FMO3: variants seen among roughly 807,000 people sequenced by gnomAD.
FMO3 encodes the protein flavin containing dimethylaniline monoxygenase 3, also known as flavin-containing monooxygenase 3.
A neutral mutation model predicts 39.4 loss-of-function variants in FMO3; 40 were observed. That is an observed-to-expected ratio of 1.02 (90% CI 0.79 to 1.32). FMO3 has a LOEUF of 1.32. Among genes scored for constraint, FMO3 ranks in the 40% most tolerant of loss-of-function variants. The pLI, the probability that FMO3 is intolerant of heterozygous loss-of-function variation, is 0.00. For missense variants in FMO3, 680 were observed against 651.8 expected (o/e 1.04, Z -0.47); for synonymous variants, 219 against 228.8 (o/e 0.96, Z 0.39).
In FMO3 at chr1:171,096,233, ATAT is replaced by A. The variant is rs1241083525; in HGVS notation, c.132+3448_132+3450del. Among the ~76,000 whole-genome samples, 3 of 49,146 alleles carry A rather than the reference ATAT, an allele frequency of 6.1e-5. 1 individual carries two copies. The highest frequency in any genetic ancestry group is 5.9e-4 in the East Asian group (1 of 1,702). The allele number at this position is 49,146 out of a possible 152,430, so 32.2% of individuals were successfully genotyped here. A position where few individuals can be genotyped will look rare whatever the true frequency, so the allele number is the denominator to read the frequency against. On this transcript the variant is annotated intron_variant, in intron 2 of 8. Transcript: ENST00000367755. ...ATATTTATATATAAATACATAAAAT[ATAT>A]TATTTCATACATATTATATAATTTT...
At chr1:171,095,494 T>C (rs1040439408) in intron 2 of FMO3, among the ~76,000 whole-genome samples, 39 of 151,854 alleles carry the variant, frequency 2.6e-4, no homozygotes, top group Non-Finnish European at 5.0e-4. Flanking sequence ...TTAATATATA[T>C]GCAAATTTAG....
In FMO3 at chr1:171,114,345, C is replaced by A; in HGVS notation, c.1166C>A (p.Ala389Glu). The change falls in exon 7 of 9, where the codon GCA (alanine) becomes GAA (glutamate). Residue 389 changes from alanine (A) to glutamate (E), a missense_variant. By Grantham distance (107) the Ala-to-Glu change is moderately radical. Coordinates refer to ENST00000367755, the MANE Select transcript of FMO3 (RefSeq NM_001002294.3). ...IPTVDLQSRW[A>E]AQVIKGTCTL... is the part of the protein sequence containing the mutation. ...ACAGTTGACCTCCAGTCCCGCTGGG[C>A]AGCACAAGTAATAAAGGGTAAGTCA... The A allele has an allele frequency of 2.5e-6, 4 of 1,612,740 alleles. No homozygotes were observed. Among genetic ancestry groups the A allele is most frequent in the Non-Finnish European group, 3.4e-6 (4 of 1,179,092 alleles).
chr1:171,102,731 C>A (rs1220241233), intron 2 of FMO3, among the ~76,000 whole-genome samples: 2 of 152,304 alleles, frequency 1.3e-5, no homozygotes, highest in Non-Finnish European at 2.9e-5. Context: ...AACCACAACA[C>A]AATATCCTAA....
At chr1:171,106,140 A>AT (rs869288175) in intron 3 of FMO3, among the ~76,000 whole-genome samples, 490 of 147,052 alleles carry the variant, frequency 3.3e-3, no homozygotes, top group Non-Finnish European at 4.8e-3. Context: ...GACTATTAGA[A>AT]TTTTTTTTTT....
intron 2 of FMO3, among the ~76,000 whole-genome samples, chr1:171,094,612 T>G (rs1391267366): frequency 6.6e-6 from 1 of 152,156 alleles, no homozygotes; most frequent in Non-Finnish European, 1.5e-5. Context: ...TGAGTTCATT[T>G]TTGTATATGG....
At chr1:171,103,678 C>A (rs1655508585) in intron 2 of FMO3, 107 bp from the exon 3 acceptor site, 4 of 933,418 alleles carry the variant, frequency 4.3e-6, no homozygotes, top group Non-Finnish European at 7.1e-6. Flanking sequence ...GGTCCTGGAA[C>A]CTTCCATAGA....
rs112371364 is a variant in FMO3 at position 171,100,948 on chromosome 1, A to G, written c.133-2837A>G. The G allele has an allele frequency of 4.4e-3, 1,538 of 347,706 alleles. 22 individuals are homozygous for G. Among genetic ancestry groups the G allele is most frequent in the African/African-American group, 0.03 (1,406 of 46,866 alleles). 21.5% of individuals were successfully genotyped at this position (347,706 alleles called of 1,614,324 possible). ...ATTATGTGGGTGAGCCCCAAACGCT[A>G]TAATGAATGCATCGTTAAAAGAGAG... On this transcript the variant is annotated intron_variant, in intron 2 of 8. Coordinates refer to ENST00000367755, the MANE Select transcript of FMO3 (RefSeq NM_001002294.3).
intron 8 of FMO3, 92 bp downstream of exon 8, chr1:171,116,372 T>G (rs1656154328): frequency 1.4e-6 from 1 of 714,634 alleles, no homozygotes; most frequent in African/African-American, 1.8e-5. Flanking sequence ...TAAATTATCC[T>G]GAATGACATC....
At chr1:171,113,130 T>C (rs1655989010) in intron 6 of FMO3, among the ~76,000 whole-genome samples, 1 of 152,176 alleles carries the variant, frequency 6.6e-6, no homozygotes, top group Non-Finnish European at 1.5e-5. Context: ...AATCTGCCTG[T>C]AGCACTCTCT....
chr1:171,101,943 A>G (rs987014979), intron 2 of FMO3: 1 of 349,678 alleles, frequency 2.9e-6, no homozygotes, highest in Non-Finnish European at 5.6e-6. Context: ...CTATGTATCA[A>G]TTTTTTTCTT....
chr1:171,105,508 G>A (rs1655598781), intron 3 of FMO3, among the ~76,000 whole-genome samples: 1 of 152,228 alleles, frequency 6.6e-6, no homozygotes, highest in African/African-American at 2.4e-5. Flanking sequence ...CCCACCAACA[G>A]TGTAAAAGTG....
rs780479699 is a variant in FMO3, at chr1:171,109,526, C to CTTTTTTTTTTTTTTTTTTTT, written c.628-1266_628-1247dup. Reference sequence around the variant, plus strand: ...TAATTAATTGATCCTTTAGTCTCTTCTTTTTTTTTTTTTTTTTTTTTTTTT... The same window carrying CTTTTTTTTTTTTTTTTTTTT: ...TAATTAATTGATCCTTTAGTCTCTTCTTTTTTTTTTTTTTTTTTTTTTTTTTTTTTTTTTTTTTTTTTTTT... On this transcript the variant is annotated intron_variant, in intron 5 of 8. Coordinates refer to ENST00000367755, the MANE Select transcript of FMO3 (RefSeq NM_001002294.3). Among the ~76,000 whole-genome samples the CTTTTTTTTTTTTTTTTTTTT allele has an allele frequency of 3.7e-4, 22 of 58,998 alleles. 5 individuals carry two copies. The highest frequency in any genetic ancestry group is 5.5e-4 in the Non-Finnish European group (19 of 34,322). 38.7% of individuals were successfully genotyped at this position (58,998 alleles called of 152,430 possible).
At chr1:171,106,586 C>A (rs1655650442) in intron 3 of FMO3, among the ~76,000 whole-genome samples, 2 of 152,072 alleles carry the variant, frequency 1.3e-5, no homozygotes, top group Non-Finnish European at 2.9e-5. Context: ...GCACTTACTT[C>A]TTTTCAATAG....
intron 3 of FMO3, among the ~76,000 whole-genome samples, chr1:171,106,826 C>G (rs1655661441): frequency 2.6e-5 from 4 of 152,102 alleles, no homozygotes; most frequent in Non-Finnish European, 2.9e-5. Context: ...CAGCAGCAAA[C>G]AGAAACCTAT....
intron 2 of FMO3, among the ~76,000 whole-genome samples, chr1:171,103,105 A>C (rs1240450430): frequency 6.6e-6 from 1 of 152,206 alleles, no homozygotes; most frequent in Non-Finnish European, 1.5e-5. Flanking sequence ...GCTTGTGCTC[A>C]TGAGTTGACA....
At position 171,117,492 on chromosome 1, in the gene FMO3, G is replaced by A. The variant is rs1441193221; in HGVS notation, c.*50G>A. On this transcript the variant is annotated 3_prime_UTR_variant, in exon 9 of 9. Coordinates refer to ENST00000367755, the MANE Select transcript of FMO3 (RefSeq NM_001002294.3). ...AAAGTTACTGACAATACCCAGACAG[G>A]GGCTTTGCTATTTAAAAATTAAAAT... is the stretch of plus-strand genomic sequence containing the variant. 6.8e-7 allele frequency: 1 copy of A among 1,480,628 alleles called. No individual in the cohort carries two copies. The highest frequency in any genetic ancestry group is 1.4e-5 in the African/African-American group (1 of 71,262). The allele number at this position is 1,480,628 out of a possible 1,614,324, so 91.7% of individuals were successfully genotyped here.
intron 2 of FMO3, among the ~76,000 whole-genome samples, chr1:171,096,040 T>TAA: frequency 9.5e-5 from 6 of 62,900 alleles, no homozygotes; most frequent in African/African-American, 4.1e-4. Context: ...ATAATATATA[T>TAA]TATATATAAA....
At chr1:171,110,773 C>T (rs1655868408) in intron 5 of FMO3, 25 bp from the exon 6 acceptor site, 2 of 1,607,766 alleles carry the variant, frequency 1.2e-6, no homozygotes, top group Non-Finnish European at 1.7e-6. Context: ...TCACTAATTT[C>T]ATGGTTGAAT....
intron 5 of FMO3, among the ~76,000 whole-genome samples, chr1:171,110,421 G>A (rs1655852502): frequency 6.6e-6 from 1 of 152,166 alleles, no homozygotes; most frequent in African/African-American, 2.4e-5. Flanking sequence ...AGATGTAGAT[G>A]TAAAGTTCAG....
Sources: gnomAD v4.1 joint callset for allele counts (sites outside exome capture counted in the v4.1 genomes callset) on GRCh38, gnomAD v4.1.1 for gene constraint, MANE v1.5 for transcripts, NCBI Gene and HGNC (gene_info 2026-07-23, HGNC 2026-07-21) for gene names.